CNDP2: variants seen among roughly 807,000 people sequenced by gnomAD.
CNDP2 encodes the protein carnosine dipeptidase 2.
In CNDP2, 38 loss-of-function variants were observed where a neutral mutation model predicts 55.0. The ratio of observed to expected loss-of-function variants is 0.69; its 90% CI spans 0.53 to 0.90. The LOEUF (loss-of-function observed/expected upper bound fraction) is 0.90. Ranked by LOEUF, CNDP2 falls within the 40% of genes least tolerant of loss-of-function variation. CNDP2 has a pLI of 0.00. For synonymous variants in CNDP2, 241 were observed against 260.2 expected (o/e 0.93, Z 0.71); for missense variants, 607 against 621.7 (o/e 0.98, Z 0.25).
chr18:74,513,623 C>T lies in CNDP2; in HGVS notation c.807C>T (p.Val269=), dbSNP rs1234884188. ...IPGINEAVAA[V]TEEEHKLYDD... ...GCATTAACGAGGCCGTGGCCGCCGT[C>T]ACGGAAGAGGAGCACAAGCTGTACG... is the stretch of plus-strand genomic sequence containing the variant. Residue 269 remains valine (V), a synonymous_variant, in exon 8 of 12, where the codon GTC becomes GTT. Transcript: ENST00000324262. The T allele has an allele frequency of 5.0e-6, 8 of 1,613,956 alleles. No homozygotes were observed. In the African/African-American group the frequency reaches 9.3e-5, roughly 19 times the overall value.
chr18:74,515,787 G>T (rs1979630620), intron 8 of CNDP2, among the ~76,000 whole-genome samples: 1 of 152,166 alleles, frequency 6.6e-6, no homozygotes, highest in African/African-American at 2.4e-5. Context: ...CTCTCAGTAG[G>T]AACGGGCTGC....
At chr18:74,505,767 A>G in intron 3 of CNDP2, 82 bp from the exon 4 acceptor site, 1 of 1,503,440 alleles carries the variant, frequency 6.7e-7, no homozygotes, top group Non-Finnish European at 9.1e-7. Context: ...AAGGAAGCTC[A>G]AGGTCTTTTA....
intron 9 of CNDP2, 199 bp downstream of exon 9, chr18:74,516,591 A>G: frequency 6.5e-6 from 4 of 614,336 alleles, no homozygotes; most frequent in Non-Finnish European, 1.1e-5. Flanking sequence ...GACCTTTGTT[A>G]CTGATGAGGC....
intron 4 of CNDP2, 154 bp from the exon 5 acceptor site, chr18:74,508,686 G>A (rs1221383749): frequency 1.2e-5 from 7 of 606,572 alleles, no homozygotes; most frequent in Middle Eastern, 3.9e-4. Flanking sequence ...CAAATTTAAC[G>A]ATAGTGTTGG....
intron 5 of CNDP2, among the ~76,000 whole-genome samples, chr18:74,510,327 G>T (rs779921158): frequency 6.6e-6 from 1 of 152,234 alleles, no homozygotes; most frequent in Non-Finnish European, 1.5e-5. Context: ...ACCTTTGGGT[G>T]TGGGGGTCAG....
chr18:74,502,481 T>TTTTTTTTTTTTG (rs1978761880), intron 3 of CNDP2, among the ~76,000 whole-genome samples: 1 of 151,768 alleles, frequency 6.6e-6, no homozygotes. Context: ...TGGTTTTTTT[T>TTTTTTTTTTTTG]TTTGTCGGGA....
chr18:74,506,266 C>T (rs1190911704), intron 4 of CNDP2, among the ~76,000 whole-genome samples: 1 of 152,182 alleles, frequency 6.6e-6, no homozygotes, highest in East Asian at 1.9e-4. Flanking sequence ...TCCCCAGTAG[C>T]TGGGATTACG....
intron 1 of CNDP2, among the ~76,000 whole-genome samples, chr18:74,498,305 C>T (rs577059280): frequency 5.3e-4 from 80 of 152,188 alleles, no homozygotes; most frequent in Non-Finnish European, 8.5e-4. Context: ...GCTACAAACC[C>T]GTACATGTAC....
chr18:74,501,184 G>T (rs751909264), intron 2 of CNDP2, 145 bp from the exon 3 acceptor site: 35 of 1,406,398 alleles, frequency 2.5e-5, no homozygotes, highest in Non-Finnish European at 2.9e-5. Context: ...CAAAGCACAC[G>T]TGATGGGTCT....
Position 74,512,500 on chromosome 18 carries a change from A to C in CNDP2, c.710A>C (p.His237Pro). ...TCTGGGGTGTACGGGGGCTCGGTGC[A>C]TGAGGCCATGACTGATCTCATTTTG... ...LHSGVYGGSV[H>P]EAMTDLILLM... is the part of the protein sequence containing the mutation. The change falls in exon 7 of 12, where the codon CAT becomes CCT. Residue 237 changes from histidine to proline, a missense_variant. Transcript: ENST00000324262. 1 of 1,614,036 alleles carries C rather than the reference A, an allele frequency of 6.2e-7. No homozygotes were observed. The highest frequency in any genetic ancestry group is 2.2e-5 in the East Asian group (1 of 44,872).
At chr18:74,512,161 C>T (rs1442453097) in intron 6 of CNDP2, 1 of 342,170 alleles carries the variant, frequency 2.9e-6, no homozygotes, top group African/African-American at 2.1e-5. Context: ...TGTTAAACTT[C>T]TAGCAAAGGC....
rs756525881 is a variant in CNDP2, at chr18:74,519,061, T to A, written c.1323T>A (p.Asp441Glu). 2 of 1,612,418 alleles carry A rather than the reference T, an allele frequency of 1.2e-6. No individual in the cohort carries two copies. The highest frequency in any genetic ancestry group is 3.3e-4 in the Middle Eastern group (2 of 6,054). Reference protein sequence around the residue: ...NVMLLPVGSADDGAHSQNEKL... With the variant: ...NVMLLPVGSAEDGAHSQNEKL... ...TGCTGCTGCCTGTGGGGTCAGCGGA[T>A]GACGGAGCCCACTCCCAGAATGAAA... The change falls in exon 11 of 12, where the codon GAT becomes GAA. Residue 441 changes from aspartate to glutamate, a missense_variant. By Grantham distance (45) the Asp-to-Glu change is conservative (BLOSUM62 2). Transcript: ENST00000324262.
At chr18:74,510,455 CAGG>C (rs1979278822) in intron 5 of CNDP2, among the ~76,000 whole-genome samples, 2 of 152,342 alleles carry the variant, frequency 1.3e-5, no homozygotes, top group African/African-American at 4.8e-5. Context: ...GAAGGTCACA[CAGG>C]AGGACCCGCA....
chr18:74,500,713 A>G (rs951961533), intron 2 of CNDP2, among the ~76,000 whole-genome samples: 1 of 152,242 alleles, frequency 6.6e-6, no homozygotes, highest in African/African-American at 2.4e-5. Context: ...ACCGAGTTGT[A>G]GAAGGAAGGG....
intron 3 of CNDP2, among the ~76,000 whole-genome samples, chr18:74,501,893 T>A (rs1292565462): frequency 6.6e-6 from 1 of 152,050 alleles, no homozygotes; most frequent in Non-Finnish European, 1.5e-5. Context: ...CCTTATTTTT[T>A]TATTTTTTTT....
intron 5 of CNDP2, 75 bp downstream of exon 5, chr18:74,509,003 C>A: frequency 8.3e-7 from 1 of 1,210,232 alleles, no homozygotes; most frequent in Non-Finnish European, 1.2e-6. Context: ...TCTCTGTTCA[C>A]ACAACAGCTT....
intron 1 of CNDP2, chr18:74,497,444 T>A (rs1978473932): frequency 6.6e-6 from 1 of 152,216 alleles, no homozygotes; most frequent in Non-Finnish European, 1.5e-5. Flanking sequence ...CGGTTCCAGG[T>A]GCCACAGCAA....
At chr18:74,506,078 C>T (rs1979008415) in intron 4 of CNDP2, 67 bp downstream of exon 4, 7 of 1,427,448 alleles carry the variant, frequency 4.9e-6, no homozygotes, top group African/African-American at 1.5e-5. Flanking sequence ...ATTGCTAGTC[C>T]GTTTTTCTGT....
chr18:74,518,769 A>G, intron 10 of CNDP2, 129 bp downstream of exon 10: 1 of 1,445,740 alleles, frequency 6.9e-7, no homozygotes, highest in Non-Finnish European at 9.5e-7. Context: ...TAGTTAAGTC[A>G]GCATGAGGAC....
Sources: allele counts gnomAD v4.1 joint callset (sites outside exome capture counted in the v4.1 genomes callset), GRCh38; gene constraint gnomAD v4.1.1; transcripts MANE v1.5; gene names NCBI Gene and HGNC (gene_info 2026-07-23, HGNC 2026-07-21).